The following AFF3 variants were observed in gnomAD, a reference collection of about 807,000 sequenced individuals.
The protein encoded by AFF3 is AF4/FMR2 family member 3.
A neutral mutation model predicts 129.7 loss-of-function variants in AFF3; 32 were observed. The ratio of observed to expected loss-of-function variants is 0.25; its 90% CI spans 0.19 to 0.33. The LOEUF (loss-of-function observed/expected upper bound fraction) is 0.33, where lower values mean the gene tolerates loss of function less well. Ranked by LOEUF, AFF3 falls within the 10% of genes least tolerant of loss-of-function variation. The pLI is 1.00. For missense variants in AFF3, 1,373 were observed against 1,592.0 expected (o/e 0.86, Z 2.34); for synonymous variants, 644 against 635.4 (o/e 1.01, Z -0.20).
At chr2:100,061,864 G>C (rs565590095) in intron 4 of AFF3, among the ~76,000 whole-genome samples, 1 of 150,728 alleles carries the variant, frequency 6.6e-6, no homozygotes, top group Non-Finnish European at 1.5e-5. Context: ...TGGAGGGGGG[G>C]GGGGTGCCGA....
intron 8 of AFF3, among the ~76,000 whole-genome samples, chr2:99,771,795 C>T (rs559911959): frequency 8.5e-5 from 13 of 152,222 alleles, no homozygotes; most frequent in Admixed American, 4.6e-4. Flanking sequence ...TGAGGACACC[C>T]GGCCCCAAGA....
intron 2 of AFF3, chr2:100,112,396 T>G (rs1209608077): frequency 1.3e-5 from 2 of 152,310 alleles, no homozygotes; most frequent in Non-Finnish European, 2.9e-5. Context: ...CTGCTAGTTC[T>G]CAGGGAAGAG....
chr2:100,107,209 A>G (rs926360090), intron 2 of AFF3: 2 of 985,262 alleles, frequency 2.0e-6, no homozygotes, highest in African/African-American at 3.5e-5. Flanking sequence ...TTTTTTACTA[A>G]GCTGTCATGG....
chr2:99,660,894 T>C (rs1686175721), intron 12 of AFF3, among the ~76,000 whole-genome samples: 2 of 152,212 alleles, frequency 1.3e-5, no homozygotes, highest in African/African-American at 2.4e-5. Context: ...TTTTTCTCCG[T>C]GTAGAAACAA....
At chr2:99,957,451 T>C (rs1676774275) in intron 7 of AFF3, among the ~76,000 whole-genome samples, 1 of 152,212 alleles carries the variant, frequency 6.6e-6, no homozygotes, top group Admixed American at 6.5e-5. Flanking sequence ...TGTATGTGTG[T>C]GTGCTGTGGA....
chr2:100,015,636 AGTAAAGCAAGGTTGCTGAAGT>A (rs1252580658), intron 4 of AFF3, among the ~76,000 whole-genome samples: 1 of 152,266 alleles, frequency 6.6e-6, no homozygotes, highest in African/African-American at 2.4e-5. Flanking sequence ...TTTAAATTAG[AGTAAAGCAAGGTTGCTGAAGT>A]GTACTTGCAA....
At chr2:99,686,873 C>T (rs1285723713) in intron 11 of AFF3, among the ~76,000 whole-genome samples, 1 of 152,204 alleles carries the variant, frequency 6.6e-6, no homozygotes, top group Admixed American at 6.5e-5. Flanking sequence ...GGGAGCCTAC[C>T]CTGTTCTGTA....
intron 8 of AFF3, among the ~76,000 whole-genome samples, chr2:99,836,319 G>C (rs1044628084): frequency 1.3e-5 from 2 of 152,158 alleles, no homozygotes; most frequent in African/African-American, 2.4e-5. Context: ...AGTTATATCA[G>C]CATCTTAGGT....
chr2:99,803,344 T>C (rs1438211834), intron 8 of AFF3, among the ~76,000 whole-genome samples: 4 of 152,140 alleles, frequency 2.6e-5, no homozygotes, highest in African/African-American at 9.7e-5. Context: ...AGTATTTCAT[T>C]GAGGATTTTT....
chr2:99,559,936 C>T (rs913062157), intron 21 of AFF3, among the ~76,000 whole-genome samples: 4 of 152,244 alleles, frequency 2.6e-5, no homozygotes, highest in African/African-American at 7.2e-5. Context: ...GTTACCCGAT[C>T]GTTCCCTTTT....
At chr2:99,736,416 TATC>T (rs1680263411) in intron 10 of AFF3, among the ~76,000 whole-genome samples, 1 of 152,184 alleles carries the variant, frequency 6.6e-6, no homozygotes, top group South Asian at 2.1e-4. Flanking sequence ...AGAATAAACA[TATC>T]ATGCTTTTTT....
chr2:100,019,809 C>T (rs80102680), intron 4 of AFF3, among the ~76,000 whole-genome samples: 166 of 152,194 alleles, frequency 1.1e-3, no homozygotes, highest in African/African-American at 3.5e-3. Flanking sequence ...TCAGTCTTCA[C>T]GCCCTTTCCT....
In AFF3 at chr2:99,546,553, GT is replaced by G. The variant is rs1479028655; in HGVS notation, c.*4920del. ...ATGGGCTGGATCAGGTGAAGGGATG[GT>G]TTTGCTTTTGTTGCTGTTTCTGCTT... On this transcript the variant is annotated 3_prime_UTR_variant, in exon 25 of 25. Transcript: ENST00000672756. The G allele has an allele frequency of 2.1e-5, 5 of 232,810 alleles. No individual in the cohort carries two copies. Among genetic ancestry groups the G allele is most frequent in the African/African-American group, 1.1e-4 (5 of 45,296 alleles). 14.4% of individuals were successfully genotyped at this position (232,810 alleles called of 1,614,324 possible).
intron 4 of AFF3, among the ~76,000 whole-genome samples, chr2:100,025,055 T>G (rs1683926490): frequency 6.6e-6 from 1 of 152,152 alleles, no homozygotes; most frequent in South Asian, 2.1e-4. Flanking sequence ...AAACTATCTA[T>G]AAACATGAAA....
intron 7 of AFF3, among the ~76,000 whole-genome samples, chr2:99,938,857 C>G (rs1269199649): frequency 6.6e-6 from 1 of 152,184 alleles, no homozygotes; most frequent in Non-Finnish European, 1.5e-5. Flanking sequence ...ATATAATATA[C>G]ACTTGTCAGA....
intron 11 of AFF3, among the ~76,000 whole-genome samples, chr2:99,718,174 G>A (rs1678553944): frequency 6.6e-6 from 1 of 152,126 alleles, no homozygotes; most frequent in Non-Finnish European, 1.5e-5. Context: ...AAAGATTTTA[G>A]AATCTGTAAA....
chr2:99,736,768 C>T (rs1680300859), intron 10 of AFF3, among the ~76,000 whole-genome samples: 2 of 152,028 alleles, frequency 1.3e-5, no homozygotes, highest in Admixed American at 1.3e-4. Flanking sequence ...CGCCACCACG[C>T]CCGGCTAATT....
intron 13 of AFF3, among the ~76,000 whole-genome samples, chr2:99,647,585 A>G (rs1362639523): frequency 2.0e-5 from 3 of 152,200 alleles, no homozygotes; most frequent in African/African-American, 7.2e-5. Context: ...ACCATTGCAC[A>G]TGTTTACCCA....
At chr2:99,674,185 T>C (rs1465901769) in intron 11 of AFF3, among the ~76,000 whole-genome samples, 1 of 152,162 alleles carries the variant, frequency 6.6e-6, no homozygotes, top group African/African-American at 2.4e-5. Context: ...AGTGAACAAA[T>C]GAACACGTCA....
Sources: gnomAD v4.1 joint callset for allele counts (sites outside exome capture counted in the v4.1 genomes callset) on GRCh38, gnomAD v4.1.1 for gene constraint, MANE v1.5 for transcripts, NCBI Gene and HGNC (gene_info 2026-07-23, HGNC 2026-07-21) for gene names.